Variants in CEP112 observed in about 807,000 individuals in gnomAD.
CEP112 encodes the protein centrosomal protein 112.
A neutral mutation model predicts 153.0 loss-of-function variants in CEP112; 127 were observed. That is an observed-to-expected ratio of 0.83 (90% CI 0.72 to 0.96). The LOEUF is 0.96. CEP112 is among the 40% of genes least tolerant of loss of function. The probability of loss-of-function intolerance (pLI) is 0.00; values close to 1 mark genes in which losing one functional copy is unlikely to be tolerated. For synonymous variants in CEP112, 358 were observed against 374.4 expected, an observed-to-expected ratio of 0.96 and a Z score of 0.51; for missense variants, 1,089 against 1,101.2, an observed-to-expected ratio of 0.99 and a Z score of 0.16.
intron 12 of CEP112, among the ~76,000 whole-genome samples, chr17:66,048,888 G>A (rs1283120878): frequency 2.0e-5 from 3 of 152,078 alleles, no homozygotes; most frequent in Non-Finnish European, 4.4e-5. Flanking sequence ...GGATTACAGG[G>A]GAGAGCCACC....
intron 24 of CEP112, among the ~76,000 whole-genome samples, chr17:65,681,705 T>C (rs232107): frequency 0.47 from 68,298 of 146,234 alleles, 16,297 homozygotes; most frequent in Middle Eastern, 0.55. Context: ...ACAGGATCTC[T>C]CTCTGTAGCC....
Position 65,717,957 on chromosome 17 carries a change from A to AT in CEP112, c.2607+25110dup, listed in dbSNP as rs1406536793. Among the ~76,000 whole-genome samples, 3 of 151,778 alleles carry AT rather than the reference A, an allele frequency of 2.0e-5. No homozygotes were observed. The South Asian group carries it at 6.3e-4, about 32-fold the overall frequency. On this transcript the variant is annotated intron_variant, in intron 23 of 26. Transcript: ENST00000535342. ...TGGAACAACAAAAAAAATCCTGTAC[A>AT]TTTTTTTTCTGATAACTTTTCTCTA...
intron 12 of CEP112, among the ~76,000 whole-genome samples, chr17:66,043,902 A>G (rs2066091872): frequency 6.6e-6 from 1 of 152,168 alleles, no homozygotes; most frequent in African/African-American, 2.4e-5. Context: ...TCTCAGTGAC[A>G]GTCCCGTCTT....
intron 21 of CEP112, among the ~76,000 whole-genome samples, chr17:65,769,595 C>T (rs1598521860): frequency 6.6e-6 from 1 of 151,948 alleles, no homozygotes; most frequent in Non-Finnish European, 1.5e-5. Flanking sequence ...GTATAGAGAG[C>T]CCAGAAATAA....
chr17:66,135,692 A>ATAT (rs1449161617), intron 4 of CEP112, among the ~76,000 whole-genome samples: 1 of 152,214 alleles, frequency 6.6e-6, no homozygotes, highest in Non-Finnish European at 1.5e-5. Flanking sequence ...AACTAGGAGA[A>ATAT]TATAAATTTT....
At chr17:66,044,243 T>C (rs899001062) in intron 12 of CEP112, among the ~76,000 whole-genome samples, 1 of 151,882 alleles carries the variant, frequency 6.6e-6, no homozygotes, top group Non-Finnish European at 1.5e-5. Flanking sequence ...AATATACCTA[T>C]GCAATAAACA....
At chr17:65,664,416 C>T (rs1330184098) in intron 24 of CEP112, among the ~76,000 whole-genome samples, 1 of 152,068 alleles carries the variant, frequency 6.6e-6, no homozygotes, top group African/African-American at 2.4e-5. Flanking sequence ...CAGAGAGATC[C>T]AATAAGTGAG....
At position 65,714,151 on chromosome 17, in the gene CEP112, A is replaced by G. The variant is rs149837603; in HGVS notation, c.2608-24933T>C. ...AAGAGAATGTATCCCTTTGAGCTCC[A>G]AGCATCATCTCTCTCCTGTCACTCT... On this transcript the variant is annotated intron_variant, in intron 23 of 26. Coordinates refer to ENST00000535342, the MANE Select transcript of CEP112 (RefSeq NM_001199165.4). Among the ~76,000 whole-genome samples the G allele has an allele frequency of 4.4e-4, 67 of 152,228 alleles. No individual in the cohort carries two copies. The East Asian group carries it at 9.7e-3, about 22-fold the overall frequency.
At chr17:66,161,483 C>T (rs1205330846) in intron 4 of CEP112, among the ~76,000 whole-genome samples, 1 of 152,048 alleles carries the variant, frequency 6.6e-6, no homozygotes, top group Non-Finnish European at 1.5e-5. Context: ...ACATATACAC[C>T]ATGGAATACT....
chr17:66,119,500 CTTCCA>C (rs2069468916), intron 6 of CEP112, among the ~76,000 whole-genome samples: 2 of 152,148 alleles, frequency 1.3e-5, no homozygotes, highest in Admixed American at 6.5e-5. Context: ...AGTCTGGCTT[CTTCCA>C]TTCAATATAA....
chr17:65,904,346 T>C (rs1308083004), intron 19 of CEP112, among the ~76,000 whole-genome samples: 3 of 152,116 alleles, frequency 2.0e-5, no homozygotes, highest in Non-Finnish European at 2.9e-5. Flanking sequence ...TGAACTCCCA[T>C]TCACAATTAC....
At chr17:65,730,470 G>A (rs1194249231) in intron 23 of CEP112, among the ~76,000 whole-genome samples, 2 of 152,132 alleles carry the variant, frequency 1.3e-5, no homozygotes, top group Non-Finnish European at 2.9e-5. Flanking sequence ...ACCTTCTTAG[G>A]TGGGATGGAA....
At chr17:65,948,370 T>A (rs1226337029) in intron 18 of CEP112, among the ~76,000 whole-genome samples, 1 of 151,452 alleles carries the variant, frequency 6.6e-6, no homozygotes, top group Admixed American at 6.6e-5. Context: ...AGGAGAAAAA[T>A]AAATTAGGAA....
intron 4 of CEP112, among the ~76,000 whole-genome samples, chr17:66,159,829 T>C (rs2071617487): frequency 6.6e-6 from 1 of 152,222 alleles, no homozygotes; most frequent in Non-Finnish European, 1.5e-5. Flanking sequence ...CTATTCAACA[T>C]AGTATTGTAA....
At chr17:65,656,565 A>T (rs943996832) in intron 24 of CEP112, among the ~76,000 whole-genome samples, 5 of 152,236 alleles carry the variant, frequency 3.3e-5, no homozygotes, top group African/African-American at 1.2e-4. Context: ...ACTGGAACAC[A>T]GCCATGCTCA....
intron 20 of CEP112, among the ~76,000 whole-genome samples, chr17:65,875,643 T>G (rs918412786): frequency 6.6e-6 from 1 of 152,204 alleles, no homozygotes; most frequent in Admixed American, 6.5e-5. Flanking sequence ...TAACTTTCAA[T>G]AGAATAACTA....
At chr17:65,657,427 A>G (rs1042122787) in intron 24 of CEP112, among the ~76,000 whole-genome samples, 1 of 152,232 alleles carries the variant, frequency 6.6e-6, no homozygotes, top group African/African-American at 2.4e-5. Flanking sequence ...GAAAGGCTGA[A>G]TGTGGAAAGT....
chr17:66,175,154 T>C lies in CEP112; in HGVS notation c.360A>G (p.Pro120=), dbSNP rs774009352. Residue 120 remains proline (P), a synonymous_variant, in exon 4 of 27, where the codon CCA becomes CCG. Transcript: ENST00000535342. Reference sequence around the variant, plus strand: ...TCTCCAGCTCACCCAGTACCCAGGCTGGTAATCCCTCTGGGCTTGAACCTT... The same window carrying C: ...TCTCCAGCTCACCCAGTACCCAGGCCGGTAATCCCTCTGGGCTTGAACCTT... ...RAKGSSPEGL[P]AWVLGELETS... is the part of the protein sequence containing the mutation. 9.3e-6 allele frequency: 15 copies of C among 1,613,460 alleles called. No homozygotes were observed. The highest frequency in any genetic ancestry group is 1.2e-5 in the Non-Finnish European group (14 of 1,179,692).
chr17:65,684,888 T>C (rs2047705455), intron 24 of CEP112, among the ~76,000 whole-genome samples: 1 of 152,204 alleles, frequency 6.6e-6, no homozygotes, highest in Admixed American at 6.5e-5. Context: ...ATCTCCCTTC[T>C]TTGATGAAAT....
Sources: allele counts gnomAD v4.1 joint callset (sites outside exome capture counted in the v4.1 genomes callset), GRCh38; gene constraint gnomAD v4.1.1; transcripts MANE v1.5; gene names NCBI Gene and HGNC (gene_info 2026-07-23, HGNC 2026-07-21).